LRRC74A: variants seen among roughly 807,000 people sequenced by gnomAD.
LRRC74A encodes the protein leucine-rich repeat-containing protein 74A.
A neutral mutation model predicts 57.9 loss-of-function variants in LRRC74A; 44 were observed. The ratio of observed to expected loss-of-function variants is 0.76; its 90% CI spans 0.60 to 0.98. The LOEUF is 0.98. Among genes scored for constraint, LRRC74A ranks in the 50% least tolerant of loss-of-function variants. LRRC74A has a pLI of 0.00. For synonymous variants in LRRC74A, 211 were observed against 219.4 expected, an observed-to-expected ratio of 0.96 and a Z score of 0.34; for missense variants, 572 against 574.0, an observed-to-expected ratio of 1.00 and a Z score of 0.04.
At chr14:76,856,584 C>CTAGATGGATGGA (rs71122588) in intron 9 of LRRC74A, among the ~76,000 whole-genome samples, 47 of 148,270 alleles carry the variant, frequency 3.2e-4, no homozygotes, top group African/African-American at 1.2e-3. Flanking sequence ...TGCTGGCTGG[C>CTAGATGGATGGA]TGGATGGATG....
chr14:76,863,351 C>T (rs1056509381), intron 11 of LRRC74A, among the ~76,000 whole-genome samples: 12 of 152,164 alleles, frequency 7.9e-5, no homozygotes, highest in Non-Finnish European at 1.8e-4. Context: ...CCCTTACTGT[C>T]TCTCCACGTT....
intron 7 of LRRC74A, among the ~76,000 whole-genome samples, chr14:76,850,863 AAG>A (rs1555367241): frequency 2.0e-5 from 3 of 147,202 alleles, no homozygotes; most frequent in Non-Finnish European, 3.0e-5. Flanking sequence ...AAAAAAAAAA[AAG>A]AAAGAAAGAA....
intron 3 of LRRC74A, 123 bp downstream of exon 3, chr14:76,831,498 C>T: frequency 9.6e-7 from 1 of 1,045,430 alleles, no homozygotes; most frequent in Non-Finnish European, 1.4e-6. Flanking sequence ...CCTTATGCCA[C>T]ACTGCCCTGG....
At chr14:76,866,534 G>T (rs2140314516) in intron 12 of LRRC74A, among the ~76,000 whole-genome samples, 1 of 152,302 alleles carries the variant, frequency 6.6e-6, no homozygotes, top group South Asian at 2.1e-4. Flanking sequence ...TCTATCATCA[G>T]AGCGTCCCAG....
chr14:76,845,251 G>A (rs1193324223), intron 7 of LRRC74A, among the ~76,000 whole-genome samples: 1 of 151,992 alleles, frequency 6.6e-6, no homozygotes, highest in Non-Finnish European at 1.5e-5. Context: ...TTGATCCCAG[G>A]AAGTAGAGGC....
rs7160583 is a variant in LRRC74A at position 76,866,065 on chromosome 14, T to C, written c.1298T>C (p.Val433Ala). 0.32 allele frequency: 492,861 copies of C among 1,555,352 alleles called. 81,092 individuals are homozygous for C. Among genetic ancestry groups the C allele is most frequent in the Non-Finnish European group, 0.34 (387,289 of 1,133,342 alleles). Reference sequence around the variant, plus strand: ...ATGTCTGTGGATGAGTTCCAGAAAGTGATGATAGAGGTGTGCTGGGTCCTA... The same window carrying C: ...ATGTCTGTGGATGAGTTCCAGAAAGCGATGATAGAGGTGTGCTGGGTCCTA... ...MKMSVDEFQK[V>A]MIEQNKVPLN... Residue 433 changes from valine to alanine, a missense_variant, in exon 12 of 14, where the codon GTG (valine) becomes GCG (alanine). Val to Ala is a moderately conservative substitution (Grantham distance 64). Transcript: ENST00000689127.
intron 12 of LRRC74A, 118 bp from the exon 13 acceptor site, chr14:76,867,238 G>A (rs1251961959): frequency 2.1e-5 from 9 of 419,904 alleles, no homozygotes; most frequent in South Asian, 9.6e-5. Context: ...GTGTGTGTGG[G>A]GGTGTGTGTT....
chr14:76,842,894 A>C (rs915166240), intron 5 of LRRC74A, among the ~76,000 whole-genome samples: 22 of 152,208 alleles, frequency 1.4e-4, no homozygotes, highest in Non-Finnish European at 5.9e-5. Flanking sequence ...GGAGTGCCAA[A>C]ATATCCTGAT....
rs1366333638 is a variant in LRRC74A, at chr14:76,854,390, T to C, written c.957+980T>C. 3.3e-5 allele frequency among the ~76,000 whole-genome samples: 5 copies of C among 152,316 alleles called. No homozygotes were observed. In the South Asian group the frequency reaches 8.3e-4, roughly 25 times the overall value. ...TGGGAGGCCAAGGTGGGTGGATCGC[T>C]TGAGGTCACCAGTTTAAGACCAGCC... On this transcript the variant is annotated intron_variant, in intron 9 of 13. Coordinates refer to ENST00000689127, the MANE Select transcript of LRRC74A (RefSeq NM_001385106.1).
At chr14:76,833,677 A>T (rs1195868342) in intron 3 of LRRC74A, among the ~76,000 whole-genome samples, 1 of 151,998 alleles carries the variant, frequency 6.6e-6, no homozygotes, top group Non-Finnish European at 1.5e-5. Context: ...TTCTGGCCTC[A>T]AGTGATCCTC....
intron 7 of LRRC74A, among the ~76,000 whole-genome samples, chr14:76,846,861 G>A (rs917490192): frequency 6.6e-6 from 1 of 152,172 alleles, no homozygotes; most frequent in Non-Finnish European, 1.5e-5. Flanking sequence ...CAGGTAGATG[G>A]TTTGCTATAT....
chr14:76,850,569 A>C (rs578011247), intron 7 of LRRC74A, among the ~76,000 whole-genome samples: 1 of 152,138 alleles, frequency 6.6e-6, no homozygotes, highest in African/African-American at 2.4e-5. Context: ...TGCACTGTCC[A>C]TGAAAAATAA....
intron 7 of LRRC74A, among the ~76,000 whole-genome samples, chr14:76,849,640 A>G (rs1897309189): frequency 1.5e-5 from 2 of 135,896 alleles, no homozygotes; most frequent in Admixed American, 7.4e-5. Context: ...TGTCTCTACT[A>G]AAAATACAAA....
Position 76,852,399 on chromosome 14 carries a change from C to G in LRRC74A, c.711C>G (p.Ser237Arg). Reference sequence around the variant, plus strand: ...TGGGGCTCACGTCACTGGATCTGAGCTGGAATAACTTCCACACAAGGGGAG... The same window carrying G: ...TGGGGCTCACGTCACTGGATCTGAGGTGGAATAACTTCCACACAAGGGGAG... ...INVGLTSLDL[S>R]WNNFHTRGAV... Residue 237 changes from serine (S) to arginine (R), a missense_variant, in exon 8 of 14, where the codon AGC becomes AGG. Physicochemically the swap from Ser to Arg is moderately radical, Grantham distance 110. Coordinates refer to ENST00000689127, the MANE Select transcript of LRRC74A (RefSeq NM_001385106.1). 1 of 1,612,406 alleles carries G rather than the reference C, an allele frequency of 6.2e-7. No individual in the cohort carries two copies.
chr14:76,850,855 AAAAAAAAAAG>A (rs1402483368), intron 7 of LRRC74A, among the ~76,000 whole-genome samples: 3 of 34,284 alleles, frequency 8.8e-5, no homozygotes, highest in South Asian at 1.5e-3. Context: ...AAAAAAAAAA[AAAAAAAAAAG>A]AAAGAAAGAA....
intron 9 of LRRC74A, among the ~76,000 whole-genome samples, chr14:76,854,218 C>A (rs1034798999): frequency 2.0e-5 from 3 of 152,246 alleles, no homozygotes; most frequent in Non-Finnish European, 4.4e-5. Context: ...CTGCTCCCTA[C>A]TTCCCATGGA....
chr14:76,853,142 G>A, intron 8 of LRRC74A, 74 bp from the exon 9 acceptor site: 1 of 1,419,390 alleles, frequency 7.0e-7, no homozygotes, highest in Non-Finnish European at 9.8e-7. Flanking sequence ...ACAGGGGGTA[G>A]AAATCGGGAC....
intron 3 of LRRC74A, 83 bp downstream of exon 3, chr14:76,831,458 T>C: frequency 6.8e-7 from 1 of 1,462,020 alleles, no homozygotes; most frequent in Non-Finnish European, 9.5e-7. Flanking sequence ...AGAGGGCCCC[T>C]CCTATGGAGC....
intron 8 of LRRC74A, 85 bp downstream of exon 8, chr14:76,852,535 A>G (rs1897575051): frequency 2.0e-6 from 2 of 1,010,268 alleles, no homozygotes; most frequent in Admixed American, 2.4e-5. Context: ...CCTCTTCCTC[A>G]TGGTCACCAT....
Sources: gnomAD v4.1 joint callset for allele counts (sites outside exome capture counted in the v4.1 genomes callset) on GRCh38, gnomAD v4.1.1 for gene constraint, MANE v1.5 for transcripts, NCBI Gene and HGNC (gene_info 2026-07-23, HGNC 2026-07-21) for gene names.